CEP85L: variants seen among roughly 807,000 people sequenced by gnomAD.
CEP85L encodes centrosomal protein of 85 kDa-like.
A neutral mutation model predicts 100.3 loss-of-function variants in CEP85L; 60 were observed. That is an observed-to-expected ratio of 0.60 (90% confidence interval 0.49 to 0.74). The LOEUF (loss-of-function observed/expected upper bound fraction) is 0.74. Among genes scored for constraint, CEP85L ranks in the 30% least tolerant of loss-of-function variants. The pLI is 0.00. For missense variants in CEP85L, 973 were observed against 936.2 expected (o/e 1.04, Z -0.51); for synonymous variants, 319 against 322.7 (o/e 0.99, Z 0.12).
At chr6:118,538,800 A>T (rs988237297) in intron 3 of CEP85L, among the ~76,000 whole-genome samples, 1 of 152,098 alleles carries the variant, frequency 6.6e-6, no homozygotes, top group African/African-American at 2.4e-5. Context: ...ATAGAATGTA[A>T]TGTTTTCCAA....
intron 3 of CEP85L, among the ~76,000 whole-genome samples, chr6:118,563,353 C>CTGGGGAG (rs1318015095): frequency 6.6e-6 from 1 of 152,070 alleles, no homozygotes; most frequent in Admixed American, 6.5e-5. Flanking sequence ...ACAAATTAAC[C>CTGGGGAG]TGGGGAGTGG....
At chr6:118,505,955 T>C (rs1775629545) in intron 5 of CEP85L, among the ~76,000 whole-genome samples, 1 of 152,128 alleles carries the variant, frequency 6.6e-6, no homozygotes, top group Non-Finnish European at 1.5e-5. Context: ...TACAAAACAT[T>C]GATAGTGGGG....
At chr6:118,584,413 C>G (rs571984007) in intron 2 of CEP85L, among the ~76,000 whole-genome samples, 1 of 152,112 alleles carries the variant, frequency 6.6e-6, no homozygotes, top group South Asian at 2.1e-4. Context: ...ACTATGGATA[C>G]CTGGGTATGG....
At chr6:118,502,158 G>T in intron 5 of CEP85L, 4 of 1,145,360 alleles carry the variant, frequency 3.5e-6, no homozygotes, top group Non-Finnish European at 5.0e-6. Flanking sequence ...TTCTGCAGGG[G>T]TTCAAAGAGG....
At chr6:118,508,211 T>C (rs1433054212) in intron 5 of CEP85L, among the ~76,000 whole-genome samples, 1 of 151,980 alleles carries the variant, frequency 6.6e-6, no homozygotes, top group Non-Finnish European at 1.5e-5. Flanking sequence ...AGTACAGACT[T>C]GGTGGTGGAA....
At chr6:118,638,442 A>C (rs1487931048) in intron 1 of CEP85L, among the ~76,000 whole-genome samples, 1 of 151,968 alleles carries the variant, frequency 6.6e-6, no homozygotes, top group Non-Finnish European at 1.5e-5. Flanking sequence ...TAGACAAGTC[A>C]ATCCAGAAGC....
At chr6:118,522,282 C>T (rs1438742904) in intron 4 of CEP85L, among the ~76,000 whole-genome samples, 1 of 152,104 alleles carries the variant, frequency 6.6e-6, no homozygotes, top group Non-Finnish European at 1.5e-5. Flanking sequence ...ATCACTTGAA[C>T]CCAGAAGGTG....
chr6:118,706,857 G>C (rs1435382672), intron 1 of CEP85L, among the ~76,000 whole-genome samples: 1 of 152,032 alleles, frequency 6.6e-6, no homozygotes, highest in Non-Finnish European at 1.5e-5. Flanking sequence ...ACCCCAAAAA[G>C]ACTCTCGCTT....
intron 4 of CEP85L, among the ~76,000 whole-genome samples, chr6:118,514,990 T>C (rs11153753): frequency 0.46 from 69,745 of 150,820 alleles, 16,610 homozygotes; most frequent in Middle Eastern, 0.57. Flanking sequence ...TTTTTTAATT[T>C]TGTGAAGGTG....
chr6:118,617,689 A>G (rs1773158007), intron 2 of CEP85L, among the ~76,000 whole-genome samples: 1 of 152,150 alleles, frequency 6.6e-6, no homozygotes, highest in Admixed American at 6.5e-5. Context: ...GCTCTGCTCA[A>G]TAAAACCTAC....
chr6:118,582,718 A>AG (rs777852412), intron 2 of CEP85L, among the ~76,000 whole-genome samples: 1 of 152,228 alleles, frequency 6.6e-6, no homozygotes, highest in Non-Finnish European at 1.5e-5. Context: ...CTTTATGGAA[A>AG]GGCTAAGAGA....
At chr6:118,641,001 T>C (rs1046492532) in intron 1 of CEP85L, among the ~76,000 whole-genome samples, 5 of 152,166 alleles carry the variant, frequency 3.3e-5, no homozygotes, top group Non-Finnish European at 5.9e-5. Flanking sequence ...ACTTTAAGCT[T>C]TTCTGTACTG....
Position 118,483,785 on chromosome 6 carries a change from T to C in CEP85L, c.1511A>G (p.Lys504Arg). Reference protein sequence around the residue: ...CQKESEQNKEKQRRIETLEKY... With the variant: ...CQKESEQNKERQRRIETLEKY... The stretch of plus-strand genomic sequence containing the variant: ...TTCCAAGGTCTCAATTCTTCTCTGC[T>C]TTTCTTTGTTTTGTTCAGATTCCTT... Residue 504 changes from lysine to arginine, a missense_variant, in exon 7 of 13, where the codon AAG becomes AGG. Coordinates refer to ENST00000368491, the MANE Select transcript of CEP85L (RefSeq NM_001042475.3). 1.2e-6 allele frequency: 2 copies of C among 1,613,918 alleles called. No homozygotes were observed. The highest frequency in any genetic ancestry group is 2.2e-5 in the South Asian group (2 of 91,082).
In CEP85L at chr6:118,549,520, T is replaced by A. The variant is rs561619116; in HGVS notation, c.1020+16009A>T. 7.9e-5 allele frequency among the ~76,000 whole-genome samples: 12 copies of A among 151,978 alleles called. No individual in the cohort carries two copies. The South Asian group carries it at 2.5e-3, about 31-fold the overall frequency. ...ATTTATCTCTAAAATTCTCAATTCC[T>A]ATGACAAATGTTAATTCTATTGCTC... On this transcript the variant is annotated intron_variant, in intron 3 of 12. Coordinates refer to ENST00000368491, the MANE Select transcript of CEP85L (RefSeq NM_001042475.3).
At chr6:118,544,848 C>A (rs150762890) in intron 3 of CEP85L, among the ~76,000 whole-genome samples, 392 of 152,242 alleles carry the variant, frequency 2.6e-3, no homozygotes, top group African/African-American at 9.0e-3. Context: ...ATTTTCTTTT[C>A]CCTATTGCCC....
intron 4 of CEP85L, among the ~76,000 whole-genome samples, chr6:118,512,315 T>A (rs1487382207): frequency 6.6e-6 from 1 of 151,880 alleles, no homozygotes; most frequent in Non-Finnish European, 1.5e-5. Flanking sequence ...GAATACTAAT[T>A]AATACAGGCA....
intron 1 of CEP85L, among the ~76,000 whole-genome samples, chr6:118,647,595 C>CA (rs1220583354): frequency 6.6e-6 from 1 of 152,170 alleles, no homozygotes; most frequent in East Asian, 1.9e-4. Context: ...CTCCTGACCT[C>CA]AAGTGATCCG....
intron 3 of CEP85L, 54 bp from the exon 4 acceptor site, chr6:118,523,974 T>C (rs1438694877): frequency 1.5e-6 from 1 of 682,458 alleles, no homozygotes. Flanking sequence ...AGAAAATATT[T>C]ATATATTATC....
intron 5 of CEP85L, among the ~76,000 whole-genome samples, chr6:118,510,998 T>G (rs1271557995): frequency 6.6e-6 from 1 of 152,138 alleles, no homozygotes; most frequent in Non-Finnish European, 1.5e-5. Context: ...CATATTCTTA[T>G]ATTTTTTTAA....
Sources: gnomAD v4.1 joint callset for allele counts (sites outside exome capture counted in the v4.1 genomes callset) on GRCh38, gnomAD v4.1.1 for gene constraint, MANE v1.5 for transcripts, NCBI Gene and HGNC (gene_info 2026-07-23, HGNC 2026-07-21) for gene names.